KCNQ2: variants seen among roughly 807,000 people sequenced by gnomAD.
KCNQ2 encodes the protein potassium voltage-gated channel subfamily KQT member 2.
Under a neutral mutation model 84.8 loss-of-function variants are expected in KCNQ2, and 14 were observed. That is an observed-to-expected ratio of 0.17 (90% confidence interval 0.11 to 0.26). KCNQ2 has a LOEUF of 0.26. Ranked by LOEUF, KCNQ2 falls within the 10% of genes least tolerant of loss-of-function variation. The pLI, the probability that KCNQ2 is intolerant of heterozygous loss-of-function variation, is 1.00. For missense variants in KCNQ2, 788 were observed against 1,254.0 expected (o/e 0.63, Z 5.61); for synonymous variants, 599 against 554.1 (o/e 1.08, Z -1.14).
At chr20:63,467,057 C>T (rs2082100400) in intron 1 of KCNQ2, among the ~76,000 whole-genome samples, 4 of 152,230 alleles carry the variant, frequency 2.6e-5, no homozygotes, top group African/African-American at 7.2e-5. Flanking sequence ...TCCTTGCCCC[C>T]CATCCTCCCA....
intron 8 of KCNQ2, among the ~76,000 whole-genome samples, chr20:63,433,036 A>C (rs1187233280): frequency 6.6e-6 from 1 of 152,198 alleles, no homozygotes; most frequent in East Asian, 1.9e-4. Context: ...GACGGACTCG[A>C]GGGGTCAGGC....
At chr20:63,445,203 C>T (rs1385659235) in intron 3 of KCNQ2, 35 bp downstream of exon 3, 1 of 1,613,778 alleles carries the variant, frequency 6.2e-7, no homozygotes, top group East Asian at 2.2e-5. Context: ...GTGCCTGGCC[C>T]TGATTCTAGC....
intron 7 of KCNQ2, chr20:63,434,624 C>G (rs2080934122): frequency 6.6e-6 from 1 of 152,178 alleles, no homozygotes; most frequent in South Asian, 2.1e-4. Flanking sequence ...CCCCCAGGCC[C>G]TGGCCACCGC....
rs1426413270 is a variant in KCNQ2, at chr20:63,446,681, C to T, written c.387+66G>A. 3.7e-6 allele frequency: 5 copies of T among 1,358,230 alleles called. No individual in the cohort carries two copies. The highest frequency in any genetic ancestry group is 5.3e-6 in the Non-Finnish European group (5 of 948,880). The allele number at this position is 1,358,230 out of a possible 1,614,324, so 84.1% of individuals were successfully genotyped here. On this transcript the variant is annotated intron_variant, in intron 2 of 16. Transcript: ENST00000359125. The surrounding 1 kb of genome is among the most constrained non-coding windows in gnomAD (Gnocchi z 5.5). ...GCCCTGTAGTAACAGGAACGGAAGA[C>T]AGACGCCCAGGCAGCTCCAGCTCCT...
At chr20:63,430,236 G>A (rs12480834) in intron 9 of KCNQ2, among the ~76,000 whole-genome samples, 28,729 of 152,160 alleles carry the variant, frequency 0.19, 3,270 homozygotes, top group South Asian at 0.29. Context: ...AGGGGAGGGG[G>A]CGGCCCTGGG....
chr20:63,464,667 C>T (rs1214498916), intron 1 of KCNQ2, among the ~76,000 whole-genome samples: 1 of 152,202 alleles, frequency 6.6e-6, no homozygotes, highest in African/African-American at 2.4e-5. Flanking sequence ...CATGGCCCTG[C>T]GCCCCACACT....
At chr20:63,456,984 C>T (rs1389761513) in intron 1 of KCNQ2, among the ~76,000 whole-genome samples, 2 of 152,196 alleles carry the variant, frequency 1.3e-5, no homozygotes, top group Non-Finnish European at 2.9e-5. Context: ...CTGGGGGCCC[C>T]GCTCGCCTCG....
Position 63,413,509 on chromosome 20 carries a change from G to T in KCNQ2, c.1704C>A (p.Ile568=). 6.2e-7 allele frequency: 1 copy of T among 1,613,492 alleles called. No individual in the cohort carries two copies. Among genetic ancestry groups the T allele is most frequent in the African/African-American group, 1.3e-5 (1 of 75,038 alleles). The change falls in exon 15 of 17, where the codon ATC becomes ATA. Residue 568 remains isoleucine, a synonymous_variant. Coordinates refer to ENST00000359125, the MANE Select transcript of KCNQ2 (RefSeq NM_172107.4). ...SLRPYDVMDV[I]EQYSAGHLDM... is the part of the protein sequence containing the mutation. ...CCAGGTGGCCGGCTGAGTACTGCTC[G>T]ATGACGTCCATCACGTCGTAGGGCC...
chr20:63,411,188 A>T (rs2080110086), intron 15 of KCNQ2, among the ~76,000 whole-genome samples: 1 of 151,848 alleles, frequency 6.6e-6, no homozygotes, highest in Non-Finnish European at 1.5e-5. Context: ...GCCTCTTCTC[A>T]CGCTTCTTCC....
chr20:63,406,283 G>A lies in KCNQ2; in HGVS notation c.*361C>T, dbSNP rs982247354. ...CTTTGTGCCTCCCCTGGGCTCGGCT[G>A]AGACAACCCCCCGCCTGTTGCCACG... On this transcript the variant is annotated 3_prime_UTR_variant, in exon 17 of 17. Transcript: ENST00000359125. The A allele has an allele frequency of 2.3e-5, 6 of 262,360 alleles. No homozygotes were observed. The highest frequency in any genetic ancestry group is 3.7e-5 in the Non-Finnish European group (5 of 136,044). The allele number at this position is 262,360 out of a possible 1,614,324, so 16.3% of individuals were successfully genotyped here.
intron 5 of KCNQ2, 55 bp downstream of exon 5, chr20:63,442,351 C>T: frequency 1.2e-6 from 2 of 1,613,242 alleles, no homozygotes; most frequent in Non-Finnish European, 1.7e-6. Flanking sequence ...GGTCCCAGCA[C>T]AGGGACAGGG....
chr20:63,441,230 A>C (rs2081153344), intron 5 of KCNQ2, among the ~76,000 whole-genome samples: 1 of 148,982 alleles, frequency 6.7e-6, no homozygotes, highest in Non-Finnish European at 1.5e-5. Flanking sequence ...ACTGCTGAAA[A>C]CCCCCAAAGG....
At position 63,415,400 on chromosome 20, in the gene KCNQ2, G is replaced by C. The variant is rs560442744; in HGVS notation, c.1302-274C>G. ...GACCGAGCACCCGGCGGGAGGGAGG[G>C]GGGGAGGCTACCGGGGCCGAGCACC... On this transcript the variant is annotated intron_variant, in intron 12 of 16. Coordinates refer to ENST00000359125, the MANE Select transcript of KCNQ2 (RefSeq NM_172107.4). Among the ~76,000 whole-genome samples the C allele has an allele frequency of 6.0e-4, 40 of 66,814 alleles. 1 individual carries two copies. Among genetic ancestry groups the C allele is most frequent in the African/African-American group, 3.2e-3 (40 of 12,490 alleles). The allele number at this position is 66,814 out of a possible 152,430, so 43.8% of individuals were successfully genotyped here.
In KCNQ2 at chr20:63,440,633, G is replaced by C. The variant is rs544667050; in HGVS notation, c.817-925C>G. Among the ~76,000 whole-genome samples the C allele has an allele frequency of 2.9e-3, 442 of 152,306 alleles. 4 individuals are homozygous for C. The South Asian group carries it at 0.036, about 12-fold the overall frequency. On this transcript the variant is annotated intron_variant, in intron 5 of 16. Coordinates refer to ENST00000359125, the MANE Select transcript of KCNQ2 (RefSeq NM_172107.4). Reference sequence around the variant, plus strand: ...GCGCAGACAGCAGGGCCGGGAAGGGGAGACCTCTCACCAGGACCTGCAGCC... The same window carrying C: ...GCGCAGACAGCAGGGCCGGGAAGGGCAGACCTCTCACCAGGACCTGCAGCC...
At position 63,443,376 on chromosome 20, in the gene KCNQ2, CCAT is replaced by C. The variant is rs1568937546; in HGVS notation, c.691-848_691-846del. 4.5e-4 allele frequency among the ~76,000 whole-genome samples: 22 copies of C among 49,418 alleles called. 1 individual carries two copies. Among genetic ancestry groups the C allele is most frequent in the Admixed American group, 7.6e-4 (4 of 5,272 alleles). The allele number at this position is 49,418 out of a possible 152,430, so 32.4% of individuals were successfully genotyped here. ...ACCACCACCATCACCATCATCACCACCATCATCACCACCACCATCACCATCACC... is the reference window on the plus strand; with the variant it reads ...ACCACCACCATCACCATCATCACCACCATCACCACCACCATCACCATCACC... On this transcript the variant is annotated intron_variant, in intron 4 of 16. Transcript: ENST00000359125.
chr20:63,450,032 C>T (rs530919240), intron 1 of KCNQ2, among the ~76,000 whole-genome samples: 16 of 152,148 alleles, frequency 1.1e-4, no homozygotes, highest in South Asian at 4.2e-4. Flanking sequence ...CCCTGGAACC[C>T]GCCCGCCACC....
intron 12 of KCNQ2, among the ~76,000 whole-genome samples, chr20:63,416,203 C>G (rs1410941649): frequency 6.6e-6 from 1 of 152,218 alleles, no homozygotes; most frequent in African/African-American, 2.4e-5. Context: ...TGTGGCCCGG[C>G]CCCCTCGGCC....
chr20:63,402,035 TGTG>T lies in KCNQ2; in HGVS notation c.*4606_*4608del, dbSNP rs2079820335. The T allele has an allele frequency of 3.8e-5, 5 of 131,132 alleles. No individual in the cohort carries two copies. 8.1% of individuals were successfully genotyped at this position (131,132 alleles called of 1,614,324 possible). ...CACCCTCCATGGCAGGTCCAAGCCC[TGTG>T]AACCATCCCTCTCACACCACGTCTG... On this transcript the variant is annotated 3_prime_UTR_variant, in exon 17 of 17. Coordinates refer to ENST00000359125, the MANE Select transcript of KCNQ2 (RefSeq NM_172107.4).
chr20:63,429,477 G>A (rs942760620), intron 9 of KCNQ2, among the ~76,000 whole-genome samples: 5 of 152,070 alleles, frequency 3.3e-5, no homozygotes, highest in African/African-American at 4.8e-5. Context: ...GACTCCCTAC[G>A]CGGCTATGGC....
Sources: allele counts gnomAD v4.1 joint callset (sites outside exome capture counted in the v4.1 genomes callset), GRCh38; gene constraint gnomAD v4.1.1; non-coding constraint Gnocchi (gnomAD v3.1); transcripts MANE v1.5; gene names NCBI Gene and HGNC (gene_info 2026-07-23, HGNC 2026-07-21).